TRAF3: variants seen among roughly 807,000 people sequenced by gnomAD.
The protein encoded by TRAF3 is TNF receptor-associated factor 3.
In TRAF3, 13 loss-of-function variants were observed where a neutral mutation model predicts 62.3. The ratio of observed to expected loss-of-function variants is 0.21; its 90% CI spans 0.14 to 0.33. TRAF3 has a LOEUF of 0.33. Among genes scored for constraint, TRAF3 ranks in the 10% least tolerant of loss-of-function variants. The pLI, the probability that TRAF3 is intolerant of heterozygous loss-of-function variation, is 1.00. For missense variants in TRAF3, 440 were observed against 741.8 expected (o/e 0.59, Z 4.73); for synonymous variants, 269 against 283.4 (o/e 0.95, Z 0.51).
chr14:102,854,801 GTTTT>G (rs35634271), intron 2 of TRAF3, among the ~76,000 whole-genome samples: 3 of 136,866 alleles, frequency 2.2e-5, no homozygotes, highest in South Asian at 2.4e-4. Context: ...GCACCTGGCT[GTTTT>G]TTTTTTTTTT....
chr14:102,879,960 T>C (rs1051646385), intron 6 of TRAF3, among the ~76,000 whole-genome samples: 1 of 151,490 alleles, frequency 6.6e-6, no homozygotes, highest in East Asian at 2.0e-4. Flanking sequence ...CTACGAAAAA[T>C]AAAAATTTAG....
chr14:102,874,799 T>C (rs1888554436), intron 4 of TRAF3, among the ~76,000 whole-genome samples: 1 of 152,032 alleles, frequency 6.6e-6, no homozygotes, highest in African/African-American at 2.4e-5. Context: ...TGCAGGCGCA[T>C]ATGCTGCCTT....
At chr14:102,811,400 A>G (rs1188927965) in intron 1 of TRAF3, among the ~76,000 whole-genome samples, 2 of 150,942 alleles carry the variant, frequency 1.3e-5, no homozygotes, top group African/African-American at 2.4e-5. Context: ...ATGATAGTAC[A>G]CTGCAGCCAT....
At chr14:102,853,466 T>C (rs1208757125) in intron 2 of TRAF3, among the ~76,000 whole-genome samples, 1 of 152,124 alleles carries the variant, frequency 6.6e-6, no homozygotes, top group African/African-American at 2.4e-5. Context: ...CACTTTCTAA[T>C]TGAGATAAAA....
intron 6 of TRAF3, among the ~76,000 whole-genome samples, chr14:102,885,036 G>A (rs1032358422): frequency 4.6e-5 from 7 of 152,078 alleles, no homozygotes; most frequent in Non-Finnish European, 8.8e-5. Context: ...TCTCTTCCCT[G>A]GCCACAGTGC....
At chr14:102,830,532 C>T (rs1452054798) in intron 2 of TRAF3, 60 bp downstream of exon 2, 1 of 152,112 alleles carries the variant, frequency 6.6e-6, no homozygotes, top group Non-Finnish European at 1.5e-5. Context: ...AGAAAGAGGC[C>T]TGTAATAACA....
At chr14:102,827,935 C>T (rs1407358382) in intron 1 of TRAF3, among the ~76,000 whole-genome samples, 1 of 152,254 alleles carries the variant, frequency 6.6e-6, no homozygotes, top group Admixed American at 6.5e-5. Flanking sequence ...GGCTCATTCC[C>T]AGGAGCCCCT....
At chr14:102,901,033 A>T (rs1191787713) in intron 10 of TRAF3, among the ~76,000 whole-genome samples, 1 of 152,216 alleles carries the variant, frequency 6.6e-6, no homozygotes, top group Non-Finnish European at 1.5e-5. Flanking sequence ...GGTGCCATTG[A>T]TACAGATGAA....
In TRAF3 at chr14:102,886,751, C is replaced by T. The variant is rs534098754; in HGVS notation, c.651+482C>T. 1.4e-4 allele frequency among the ~76,000 whole-genome samples: 21 copies of T among 152,108 alleles called. No individual in the cohort carries two copies. The East Asian group carries it at 3.3e-3, about 24-fold the overall frequency. ...AGCCTGGGCAACAAGAGTTAAACTC[C>T]GTCTCAAAAACAAAACAAAACAAAA... On this transcript the variant is annotated intron_variant, in intron 7 of 11. Coordinates refer to ENST00000392745, the MANE Select transcript of TRAF3 (RefSeq NM_145725.3).
At chr14:102,790,740 C>T (rs1897745274) in intron 1 of TRAF3, among the ~76,000 whole-genome samples, 1 of 152,244 alleles carries the variant, frequency 6.6e-6, no homozygotes, top group African/African-American at 2.4e-5. Context: ...CACAGCCAAA[C>T]CATATCACAC....
In TRAF3 at chr14:102,886,421, T is replaced by C. The variant is rs180681119; in HGVS notation, c.651+152T>C. On this transcript the variant is annotated intron_variant, in intron 7 of 11. Transcript: ENST00000392745. Reference sequence around the variant, plus strand: ...ACAAAAACCACAGCAAAAAGCCTTATGCCATTTTTTGGAAGTCAGAAGCAA... The same window carrying C: ...ACAAAAACCACAGCAAAAAGCCTTACGCCATTTTTTGGAAGTCAGAAGCAA... 13 of 706,206 alleles carry C rather than the reference T, an allele frequency of 1.8e-5. No homozygotes were observed. In the East Asian group the frequency reaches 2.9e-4, roughly 16 times the overall value. 43.7% of individuals were successfully genotyped at this position (706,206 alleles called of 1,614,324 possible). A position where few individuals can be genotyped will look rare whatever the true frequency, so the allele number is the denominator to read the frequency against.
chr14:102,781,023 A>G (rs1281421291), intron 1 of TRAF3, among the ~76,000 whole-genome samples: 2 of 152,246 alleles, frequency 1.3e-5, no homozygotes, highest in Non-Finnish European at 2.9e-5. Flanking sequence ...GTAAAAATGT[A>G]GGATGAAATG....
intron 2 of TRAF3, among the ~76,000 whole-genome samples, chr14:102,839,475 C>T (rs937372085): frequency 3.3e-5 from 5 of 152,134 alleles, no homozygotes; most frequent in Non-Finnish European, 5.9e-5. Context: ...CCATCTTGGC[C>T]TCCCAAAGTG....
At chr14:102,870,611 G>A (rs1250567108) in intron 3 of TRAF3, among the ~76,000 whole-genome samples, 165 bp downstream of exon 3, 1 of 152,196 alleles carries the variant, frequency 6.6e-6, no homozygotes, top group Admixed American at 6.5e-5. Context: ...AGGTGCAGTG[G>A]GATCCCACGT....
chr14:102,802,138 C>CACCACGCCCAGCCA, intron 1 of TRAF3, among the ~76,000 whole-genome samples: 1 of 149,010 alleles, frequency 6.7e-6, no homozygotes, highest in Middle Eastern at 3.5e-3. Flanking sequence ...AGGCATGAGC[C>CACCACGCCCAGCCA]ATTGCACCTG....
Position 102,881,475 on chromosome 14 carries a change from A to G in TRAF3, c.571-4714A>G, listed in dbSNP as rs188226200. ...GATGGAGCTGGAAGTCATTGTCCTT[A>G]GCAAACTAACACAGGAACAGAAAAA... On this transcript the variant is annotated intron_variant, in intron 6 of 11. Coordinates refer to ENST00000392745, the MANE Select transcript of TRAF3 (RefSeq NM_145725.3). 3.6e-3 allele frequency among the ~76,000 whole-genome samples: 549 copies of G among 152,286 alleles called. 4 individuals carry two copies. The highest frequency in any genetic ancestry group is 0.013 in the African/African-American group (540 of 41,548).
At chr14:102,850,998 C>T (rs572161202) in intron 2 of TRAF3, among the ~76,000 whole-genome samples, 1 of 152,276 alleles carries the variant, frequency 6.6e-6, no homozygotes, top group East Asian at 1.9e-4. Context: ...GTATGATTGC[C>T]GTGCTAACCA....
At chr14:102,883,741 G>A (rs570003890) in intron 6 of TRAF3, among the ~76,000 whole-genome samples, 42 of 152,088 alleles carry the variant, frequency 2.8e-4, no homozygotes, top group Non-Finnish European at 4.7e-4. Context: ...GCCCGCCACC[G>A]CACCTGGCTG....
At chr14:102,854,611 C>T (rs1344494297) in intron 2 of TRAF3, among the ~76,000 whole-genome samples, 2 of 152,126 alleles carry the variant, frequency 1.3e-5, no homozygotes, top group Non-Finnish European at 1.5e-5. Context: ...GTGATTCCCA[C>T]CTCAGCCCCC....
Sources: allele counts gnomAD v4.1 joint callset (sites outside exome capture counted in the v4.1 genomes callset), GRCh38; gene constraint gnomAD v4.1.1; transcripts MANE v1.5; gene names NCBI Gene and HGNC (gene_info 2026-07-23, HGNC 2026-07-21).